FGF13: variants seen among roughly 807,000 people sequenced by gnomAD.
FGF13 encodes the protein fibroblast growth factor homologous factor 2.
A neutral mutation model predicts 19.5 loss-of-function variants in FGF13; 2 were observed. That is an observed-to-expected ratio of 0.10 (90% CI 0.04 to 0.32). The LOEUF (loss-of-function observed/expected upper bound fraction) is 0.32. Ranked by LOEUF, FGF13 falls within the 10% of genes least tolerant of loss-of-function variation. The pLI, the probability that FGF13 is intolerant of heterozygous loss-of-function variation, is 1.00. For missense variants in FGF13, 113 were observed against 192.7 expected, an observed-to-expected ratio of 0.59 and a Z score of 2.45; for synonymous variants, 72 against 76.9, an observed-to-expected ratio of 0.94 and a Z score of 0.33.
intron 3 of FGF13, among the ~76,000 whole-genome samples, chrX:138,669,118 G>A (rs372108343): frequency 4.5e-5 from 5 of 111,040 alleles, no homozygotes; most frequent in African/African-American, 1.6e-4. Context: ...TTTTTAGGAT[G>A]AGAAGTCTTG....
At chrX:138,953,425 T>A (rs899290390) in intron 1 of FGF13, among the ~76,000 whole-genome samples, 2 of 107,744 alleles carry the variant, frequency 1.9e-5, no homozygotes, top group African/African-American at 6.8e-5. Flanking sequence ...CCGGGGCCTG[T>A]GGTGGGGTGG....
chrX:138,870,600 A>T (rs1337999220), intron 1 of FGF13, among the ~76,000 whole-genome samples: 3 of 112,795 alleles, frequency 2.7e-5, no homozygotes, highest in Non-Finnish European at 5.6e-5. Context: ...TAAGGTTGCT[A>T]TTCAATTTAC....
chrX:139,087,459 A>G (rs2124446433), intron 1 of FGF13, among the ~76,000 whole-genome samples: 1 of 112,097 alleles, frequency 8.9e-6, no homozygotes, highest in Admixed American at 9.4e-5. Context: ...CCTCTTTAAG[A>G]ATTATTTTTT....
intron 3 of FGF13, among the ~76,000 whole-genome samples, chrX:138,693,229 G>GT (rs1196755432): frequency 8.9e-6 from 1 of 111,772 alleles, no homozygotes; most frequent in Non-Finnish European, 1.9e-5. Context: ...TGTAGGAAAT[G>GT]TTTTTTGGCC....
intron 1 of FGF13, among the ~76,000 whole-genome samples, chrX:139,134,751 C>G (rs1483304381): frequency 9.0e-6 from 1 of 111,637 alleles, no homozygotes; most frequent in Non-Finnish European, 1.9e-5. Flanking sequence ...CGGGTTCAAA[C>G]AGTTCTCCTG....
intron 3 of FGF13, among the ~76,000 whole-genome samples, chrX:138,820,660 C>A (rs188684225): frequency 2.2e-4 from 25 of 112,195 alleles, no homozygotes; most frequent in Non-Finnish European, 3.8e-4. Context: ...AATCAACTTA[C>A]ATCTGAAGGT....
intron 1 of FGF13, among the ~76,000 whole-genome samples, chrX:139,119,284 A>G (rs1288793474): frequency 1.8e-5 from 2 of 112,383 alleles, no homozygotes; most frequent in Middle Eastern, 4.6e-3. Context: ...CAGTCCGCCA[A>G]TAATAATGAG....
chrX:138,997,631 G>C (rs1569438729), intron 1 of FGF13, among the ~76,000 whole-genome samples: 4 of 111,327 alleles, frequency 3.6e-5, no homozygotes, highest in African/African-American at 9.8e-5. Flanking sequence ...CAAGACTAGA[G>C]AAAAAAGAGT....
At chrX:138,643,160 C>T (rs147018514) in intron 3 of FGF13, among the ~76,000 whole-genome samples, 4,094 of 111,862 alleles carry the variant, frequency 0.037, 89 homozygotes, top group Non-Finnish European at 0.059. Context: ...AGAGCTAGGA[C>T]TCAGATATGA....
At chrX:138,804,128 CA>C (rs769944647) in intron 3 of FGF13, among the ~76,000 whole-genome samples, 68 of 111,909 alleles carry the variant, frequency 6.1e-4, no homozygotes, top group African/African-American at 2.2e-3. Context: ...AAAAACCTGA[CA>C]CACTTTGCTC....
At chrX:138,815,305 A>G (rs764582906) in intron 3 of FGF13, among the ~76,000 whole-genome samples, 2 of 111,196 alleles carry the variant, frequency 1.8e-5, no homozygotes, top group Admixed American at 9.7e-5. Flanking sequence ...GTATACTTAA[A>G]AAGTGCTAAG....
chrX:138,696,890 G>A (rs1273897020), intron 3 of FGF13, among the ~76,000 whole-genome samples: 1 of 112,020 alleles, frequency 8.9e-6, no homozygotes, highest in African/African-American at 3.2e-5. Context: ...ACACACCTCA[G>A]TAATCAAATG....
intron 4 of FGF13, among the ~76,000 whole-genome samples, chrX:138,633,964 T>A (rs960705857): frequency 9.0e-6 from 1 of 111,665 alleles, no homozygotes; most frequent in African/African-American, 3.3e-5. Context: ...GTAATCTCTT[T>A]GAAGTCTTCC....
At chrX:139,060,394 A>G (rs146858583) in intron 1 of FGF13, among the ~76,000 whole-genome samples, 1 of 111,389 alleles carries the variant, frequency 9.0e-6, no homozygotes, top group Non-Finnish European at 1.9e-5. Flanking sequence ...TTCTAATTCT[A>G]GTATATTTCT....
intron 1 of FGF13, among the ~76,000 whole-genome samples, chrX:139,196,480 C>G (rs986962598): frequency 8.9e-6 from 1 of 111,819 alleles, no homozygotes; most frequent in African/African-American, 3.3e-5. Context: ...AGAAAAGTCA[C>G]TCAAAAAATG....
intron 1 of FGF13, among the ~76,000 whole-genome samples, chrX:139,045,200 C>G (rs2124407384): frequency 8.9e-6 from 1 of 112,342 alleles, no homozygotes; most frequent in Admixed American, 9.4e-5. Context: ...CAAACTGTAC[C>G]TGGGCCCCTT....
At chrX:138,667,841 T>C (rs926549875) in intron 3 of FGF13, 5 of 293,465 alleles carry the variant, frequency 1.7e-5, no homozygotes, top group African/African-American at 5.5e-5. Context: ...TGTGATTCTA[T>C]GTGGGAAATG....
intron 1 of FGF13, among the ~76,000 whole-genome samples, chrX:139,169,867 A>G (rs183011990): frequency 2.1e-4 from 23 of 111,614 alleles, no homozygotes; most frequent in African/African-American, 6.5e-4. Flanking sequence ...TCCCTCTCCC[A>G]GCAGCATGGA....
intron 1 of FGF13, among the ~76,000 whole-genome samples, chrX:139,135,405 A>T (rs2083791801): frequency 8.9e-6 from 1 of 112,525 alleles, no homozygotes; most frequent in African/African-American, 3.2e-5. Context: ...AAATGCTGCA[A>T]ATTGCTTTAA....
Sources: gnomAD v4.1 joint callset for allele counts (sites outside exome capture counted in the v4.1 genomes callset) on GRCh38, gnomAD v4.1.1 for gene constraint, MANE v1.5 for transcripts, NCBI Gene and HGNC (gene_info 2026-07-23, HGNC 2026-07-21) for gene names.